CTNNA3: variants seen among roughly 807,000 people sequenced by gnomAD.
CTNNA3 encodes catenin alpha 3, also known as catenin alpha-3.
Under a neutral mutation model 95.7 loss-of-function variants are expected in CTNNA3, and 76 were observed. The ratio of observed to expected loss-of-function variants is 0.79; its 90% CI spans 0.66 to 0.96. CTNNA3 has a LOEUF of 0.96. CTNNA3 is among the 40% of genes least tolerant of loss of function. The pLI is 0.00. For missense variants in CTNNA3, 1,191 were observed against 1,089.8 expected (o/e 1.09, Z -1.31); for synonymous variants, 431 against 374.4 (o/e 1.15, Z -1.74).
At chr10:67,458,631 C>A (rs142295005) in intron 5 of CTNNA3, among the ~76,000 whole-genome samples, 1 of 151,996 alleles carries the variant, frequency 6.6e-6, no homozygotes. Flanking sequence ...GTAATCCCAG[C>A]GCTTTGGAAG....
chr10:66,655,646 T>A (rs1430827021), intron 9 of CTNNA3, among the ~76,000 whole-genome samples: 1 of 151,996 alleles, frequency 6.6e-6, no homozygotes, highest in East Asian at 1.9e-4. Context: ...TGGCTTCAAT[T>A]TTCTCAGCAA....
At chr10:66,592,815 G>T (rs1044417215) in intron 10 of CTNNA3, among the ~76,000 whole-genome samples, 2 of 152,140 alleles carry the variant, frequency 1.3e-5, no homozygotes, top group Non-Finnish European at 2.9e-5. Context: ...ACACCAAAGT[G>T]TCTGCACAGG....
intron 5 of CTNNA3, among the ~76,000 whole-genome samples, chr10:67,484,044 A>G (rs1848351926): frequency 6.6e-6 from 1 of 152,236 alleles, no homozygotes; most frequent in African/African-American, 2.4e-5. Context: ...AAATAGAATA[A>G]AGCCAGAGGC....
At chr10:67,216,813 G>T (rs977757760) in intron 6 of CTNNA3, among the ~76,000 whole-genome samples, 1 of 152,088 alleles carries the variant, frequency 6.6e-6, no homozygotes, top group African/African-American at 2.4e-5. Flanking sequence ...TAATGGACTT[G>T]GAATTTTCAA....
chr10:66,201,506 T>A (rs2087403632), intron 13 of CTNNA3, among the ~76,000 whole-genome samples: 2 of 152,162 alleles, frequency 1.3e-5, no homozygotes, highest in Admixed American at 6.5e-5. Flanking sequence ...CTATATCTAA[T>A]CCTTCTCCTC....
intron 12 of CTNNA3, among the ~76,000 whole-genome samples, chr10:66,330,565 T>A (rs939958026): frequency 6.6e-6 from 1 of 152,118 alleles, no homozygotes; most frequent in Non-Finnish European, 1.5e-5. Context: ...GCATGTTTTA[T>A]AATCCTCTGG....
At chr10:67,027,953 AT>A (rs1428240946) in intron 7 of CTNNA3, among the ~76,000 whole-genome samples, 1 of 152,120 alleles carries the variant, frequency 6.6e-6, no homozygotes, top group Non-Finnish European at 1.5e-5. Context: ...TAAAATCTCC[AT>A]CTGTTTTCTC....
chr10:66,729,413 C>T (rs746814847), intron 9 of CTNNA3, among the ~76,000 whole-genome samples: 3 of 152,170 alleles, frequency 2.0e-5, no homozygotes, highest in Non-Finnish European at 4.4e-5. Context: ...GATCTAGAGG[C>T]AGAAATGCCA....
intron 12 of CTNNA3, among the ~76,000 whole-genome samples, chr10:66,354,983 G>C (rs2132403602): frequency 6.6e-6 from 1 of 152,104 alleles, no homozygotes; most frequent in Admixed American, 6.6e-5. Flanking sequence ...AGAAAGATAG[G>C]CTCAGACATC....
intron 3 of CTNNA3, among the ~76,000 whole-genome samples, chr10:67,599,592 T>A (rs571299455): frequency 5.3e-5 from 8 of 152,134 alleles, no homozygotes; most frequent in Admixed American, 1.3e-4. Context: ...GTTCACTGGA[T>A]GGATTTTAAA....
intron 15 of CTNNA3, among the ~76,000 whole-genome samples, chr10:65,992,548 T>A (rs1405716378): frequency 6.6e-6 from 1 of 152,130 alleles, no homozygotes; most frequent in African/African-American, 2.4e-5. Flanking sequence ...TTAATAATAG[T>A]GTCTGATGAC....
At chr10:67,517,992 CAT>C (rs1186477163) in intron 5 of CTNNA3, among the ~76,000 whole-genome samples, 5 of 152,166 alleles carry the variant, frequency 3.3e-5, no homozygotes, top group Admixed American at 6.5e-5. Flanking sequence ...ATACTAAACA[CAT>C]GTCAGGTGCA....
intron 7 of CTNNA3, among the ~76,000 whole-genome samples, chr10:66,842,487 T>C (rs542235994): frequency 1.3e-5 from 2 of 152,146 alleles, no homozygotes; most frequent in East Asian, 1.9e-4. Context: ...GAAAGTAAGA[T>C]GGGGAAAATT....
intron 3 of CTNNA3, among the ~76,000 whole-genome samples, chr10:67,553,244 T>C (rs1355870903): frequency 6.6e-6 from 1 of 152,178 alleles, no homozygotes; most frequent in African/African-American, 2.4e-5. Flanking sequence ...CTCCTAAAAA[T>C]CGTTTGTAAC....
At chr10:66,710,673 C>T (rs1848261287) in intron 9 of CTNNA3, among the ~76,000 whole-genome samples, 1 of 151,606 alleles carries the variant, frequency 6.6e-6, no homozygotes, top group African/African-American at 2.4e-5. Context: ...ATATAAATCT[C>T]TTTAATAATT....
chr10:67,464,200 C>A (rs1432806966), intron 5 of CTNNA3, among the ~76,000 whole-genome samples: 1 of 152,192 alleles, frequency 6.6e-6, no homozygotes, highest in East Asian at 1.9e-4. Flanking sequence ...ATAAACTGAT[C>A]TATTCATGCT....
chr10:67,005,682 CTTTTTTT>C (rs11369576), intron 7 of CTNNA3, among the ~76,000 whole-genome samples: 3 of 61,976 alleles, frequency 4.8e-5, no homozygotes, highest in Non-Finnish European at 5.9e-5. Flanking sequence ...TTTACTCCAT[CTTTTTTT>C]TTTTTTTTTT....
chr10:65,953,373 C>CT (rs547832607), intron 17 of CTNNA3, among the ~76,000 whole-genome samples: 258 of 147,156 alleles, frequency 1.8e-3, no homozygotes, highest in African/African-American at 6.0e-3. Flanking sequence ...ATACTCACCT[C>CT]TTTTTTTTTT....
intron 5 of CTNNA3, among the ~76,000 whole-genome samples, chr10:67,490,346 T>C (rs1183293335): frequency 3.9e-5 from 6 of 152,190 alleles, no homozygotes; most frequent in African/African-American, 1.4e-4. Flanking sequence ...GAATTCTGGA[T>C]AGCCAAGGTG....
Sources: allele counts gnomAD v4.1 joint callset (sites outside exome capture counted in the v4.1 genomes callset), GRCh38; gene constraint gnomAD v4.1.1; transcripts MANE v1.5; gene names NCBI Gene and HGNC (gene_info 2026-07-23, HGNC 2026-07-21).